Variants in SLC24A4 observed in about 807,000 individuals in gnomAD.
SLC24A4 encodes the protein sodium/potassium/calcium exchanger 4.
In SLC24A4, 53 loss-of-function variants were observed where a neutral mutation model predicts 79.0. That is an observed-to-expected ratio of 0.67 (90% CI 0.54 to 0.84). SLC24A4 has a LOEUF of 0.84. Among genes scored for constraint, SLC24A4 ranks in the 40% least tolerant of loss-of-function variants. The pLI, the probability that SLC24A4 is intolerant of heterozygous loss-of-function variation, is 0.00. For synonymous variants in SLC24A4, 323 were observed against 323.8 expected, an observed-to-expected ratio of 1.00 and a Z score of 0.03; for missense variants, 731 against 822.0, an observed-to-expected ratio of 0.89 and a Z score of 1.35.
rs113999994 is a variant in SLC24A4 at position 92,383,729 on chromosome 14, G to A, written c.242-50183G>A. 2.7e-3 allele frequency among the ~76,000 whole-genome samples: 417 copies of A among 152,270 alleles called. 2 individuals are homozygous for A. Among genetic ancestry groups the A allele is most frequent in the African/African-American group, 9.0e-3 (373 of 41,550 alleles). ...GCACCGAATGGGCTTGACCGTGAGC[G>A]TATGAATGTTCATGCAGAAGATGAG... On this transcript the variant is annotated intron_variant, in intron 2 of 16. Transcript: ENST00000532405.
chr14:92,403,226 A>C (rs183173023), intron 2 of SLC24A4, among the ~76,000 whole-genome samples: 14 of 152,162 alleles, frequency 9.2e-5, no homozygotes, highest in African/African-American at 3.4e-4. Context: ...GGGCAGCGTG[A>C]ATCTTTGGGG....
At chr14:92,420,477 C>CAA (rs778526307) in intron 2 of SLC24A4, among the ~76,000 whole-genome samples, 12 of 136,184 alleles carry the variant, frequency 8.8e-5, no homozygotes, top group African/African-American at 2.7e-4. Context: ...GACTCTGTCT[C>CAA]AAAAAAAAAA....
At chr14:92,458,861 G>A (rs763067768) in intron 12 of SLC24A4, among the ~76,000 whole-genome samples, 40 of 152,192 alleles carry the variant, frequency 2.6e-4, no homozygotes, top group Non-Finnish European at 5.1e-4. Flanking sequence ...GCCAGGGAGG[G>A]CCAGAGTGCC....
At chr14:92,386,512 C>T (rs1233016153) in intron 2 of SLC24A4, among the ~76,000 whole-genome samples, 1 of 152,188 alleles carries the variant, frequency 6.6e-6, no homozygotes, top group African/African-American at 2.4e-5. Flanking sequence ...CCTGTGGAGT[C>T]TCCTTTCTTC....
chr14:92,431,613 G>A (rs1308634424), intron 2 of SLC24A4, among the ~76,000 whole-genome samples: 3 of 152,186 alleles, frequency 2.0e-5, no homozygotes, highest in Admixed American at 6.5e-5. Flanking sequence ...CTGCCTGCTC[G>A]CAGCCTTTGA....
chr14:92,343,766 G>A lies in SLC24A4; in HGVS notation c.241+17788G>A, dbSNP rs534977821. Among the ~76,000 whole-genome samples the A allele has an allele frequency of 6.1e-5, 9 of 148,690 alleles. No individual in the cohort carries two copies. In the East Asian group the frequency reaches 1.2e-3, roughly 20 times the overall value. The stretch of plus-strand genomic sequence containing the variant: ...CACCCAGACTGGAGTGCAGTGGCAC[G>A]ATCTTGGCTCACTGCATCCTCCGCC... On this transcript the variant is annotated intron_variant, in intron 2 of 16. Transcript: ENST00000532405.
chr14:92,398,223 C>T lies in SLC24A4; in HGVS notation c.242-35689C>T, dbSNP rs1889890682. Among the ~76,000 whole-genome samples, 1 of 152,148 alleles carries T rather than the reference C, an allele frequency of 6.6e-6. No homozygotes were observed. Among genetic ancestry groups the T allele is most frequent in the Non-Finnish European group, 1.5e-5 (1 of 68,032 alleles). ...CCCTCATGGTTGGTAAATTGGTAGT[C>T]AGAAGCCATTTAGCAACAGGACAGT... On this transcript the variant is annotated intron_variant, in intron 2 of 16. Coordinates refer to ENST00000532405, the MANE Select transcript of SLC24A4 (RefSeq NM_153646.4). The surrounding 1 kb of genome is among the most constrained non-coding windows in gnomAD (Gnocchi z 4.1).
In SLC24A4 at chr14:92,496,363, A is replaced by T. The variant is rs1895920540; in HGVS notation, c.*2735A>T. 2 of 152,294 alleles carry T rather than the reference A, an allele frequency of 1.3e-5. No individual in the cohort carries two copies. The allele number at this position is 152,294 out of a possible 1,614,324, so 9.4% of individuals were successfully genotyped here. On this transcript the variant is annotated 3_prime_UTR_variant, in exon 17 of 17. Transcript: ENST00000532405. Reference sequence around the variant, plus strand: ...TTCATTTTTAAATTACGCTTTCATCACTACGCAGGATTACTTTATTTTATT... The same window carrying T: ...TTCATTTTTAAATTACGCTTTCATCTCTACGCAGGATTACTTTATTTTATT...
chr14:92,371,293 TA>T (rs1294977346), intron 2 of SLC24A4, among the ~76,000 whole-genome samples: 1 of 152,184 alleles, frequency 6.6e-6, no homozygotes, highest in Non-Finnish European at 1.5e-5. Context: ...TTTCCTTTTA[TA>T]CACACAGTAA....
chr14:92,468,299 G>A (rs1435919386), intron 12 of SLC24A4, among the ~76,000 whole-genome samples: 2 of 152,174 alleles, frequency 1.3e-5, no homozygotes, highest in Non-Finnish European at 2.9e-5. Flanking sequence ...CTGTGTTCAA[G>A]GGTTAGAAGA....
chr14:92,350,146 T>C (rs998684321), intron 2 of SLC24A4, among the ~76,000 whole-genome samples: 1 of 152,204 alleles, frequency 6.6e-6, no homozygotes, highest in Non-Finnish European at 1.5e-5. Context: ...CAATGCAGAG[T>C]ACTTCTTGTT....
chr14:92,419,485 G>A (rs1331701637), intron 2 of SLC24A4, among the ~76,000 whole-genome samples: 1 of 152,224 alleles, frequency 6.6e-6, no homozygotes, highest in African/African-American at 2.4e-5. Flanking sequence ...GGCAATGATG[G>A]AAGTCTCTCC....
intron 2 of SLC24A4, among the ~76,000 whole-genome samples, chr14:92,351,718 C>A (rs531209153): frequency 2.0e-5 from 3 of 151,816 alleles, no homozygotes; most frequent in Admixed American, 6.6e-5. Flanking sequence ...AAAAAAATTA[C>A]CCAGGTGTGA....
intron 2 of SLC24A4, among the ~76,000 whole-genome samples, chr14:92,419,113 C>A (rs1262713085): frequency 6.6e-6 from 1 of 152,214 alleles, no homozygotes; most frequent in Non-Finnish European, 1.5e-5. Flanking sequence ...TTAACCACAT[C>A]TATAAAATAC....
chr14:92,473,937 G>A (rs1217502817), intron 12 of SLC24A4, among the ~76,000 whole-genome samples: 2 of 152,190 alleles, frequency 1.3e-5, no homozygotes, highest in Non-Finnish European at 2.9e-5. Context: ...GGCTGGTTCT[G>A]CCAGAGGTGT....
intron 2 of SLC24A4, among the ~76,000 whole-genome samples, chr14:92,405,000 T>C (rs1038938233): frequency 6.6e-6 from 1 of 152,202 alleles, no homozygotes; most frequent in Non-Finnish European, 1.5e-5. Flanking sequence ...TTTAAAAAAA[T>C]ACTATTCCTG....
chr14:92,440,331 G>C (rs1014611533), intron 4 of SLC24A4, among the ~76,000 whole-genome samples: 2 of 152,214 alleles, frequency 1.3e-5, no homozygotes, highest in African/African-American at 4.8e-5. Context: ...GCCAGGGGAG[G>C]AGGGTGAGGA....
rs1329959357 is a variant in SLC24A4, at chr14:92,353,952, G to A, written c.241+27974G>A. On this transcript the variant is annotated intron_variant, in intron 2 of 16. Transcript: ENST00000532405. This position sits in a 1 kb window ranked among gnomAD's most constrained non-coding sequence, Gnocchi z 4.1. Reference sequence around the variant, plus strand: ...GCAGGAGAGTTGATGGGCTGACCCCGTGCTGGAGTCACCTCGCAGTCACTT... The same window carrying A: ...GCAGGAGAGTTGATGGGCTGACCCCATGCTGGAGTCACCTCGCAGTCACTT... Among the ~76,000 whole-genome samples the A allele has an allele frequency of 3.9e-5, 6 of 152,184 alleles. No individual in the cohort carries two copies. Among genetic ancestry groups the A allele is most frequent in the African/African-American group, 7.2e-5 (3 of 41,444 alleles).
rs1395043101 is a variant in SLC24A4, at chr14:92,494,711, A to T, written c.*1083A>T. On this transcript the variant is annotated 3_prime_UTR_variant, in exon 17 of 17. Coordinates refer to ENST00000532405, the MANE Select transcript of SLC24A4 (RefSeq NM_153646.4). This position sits in a 1 kb window ranked among gnomAD's most constrained non-coding sequence, Gnocchi z 4.6. ...AAGTGCTGGTTAATGACGAGAAGAGATTGCCTGAAAAACAACAAACTGCTT... is the reference window on the plus strand; with the variant it reads ...AAGTGCTGGTTAATGACGAGAAGAGTTTGCCTGAAAAACAACAAACTGCTT... 6.6e-6 allele frequency: 1 copy of T among 152,244 alleles called. No individual in the cohort carries two copies. Among genetic ancestry groups the T allele is most frequent in the African/African-American group, 2.4e-5 (1 of 41,452 alleles). 9.4% of individuals were successfully genotyped at this position (152,244 alleles called of 1,614,324 possible).
Sources: allele counts gnomAD v4.1 joint callset (sites outside exome capture counted in the v4.1 genomes callset), GRCh38; gene constraint gnomAD v4.1.1; non-coding constraint Gnocchi (gnomAD v3.1); transcripts MANE v1.5; gene names NCBI Gene and HGNC (gene_info 2026-07-23, HGNC 2026-07-21).